MTMR7: variants seen among roughly 807,000 people sequenced by gnomAD.
The protein encoded by MTMR7 is myotubularin related protein 7, also known as phosphatidylinositol-3-phosphate phosphatase MTMR7.
Under a neutral mutation model 81.2 loss-of-function variants are expected in MTMR7, and 76 were observed. The observed-to-expected ratio is 0.94, with a 90% CI of 0.78 to 1.13. The LOEUF is 1.13. Ranked by LOEUF, MTMR7 falls within the 50% of genes most tolerant of loss-of-function variation. The pLI is 0.00. For synonymous variants in MTMR7, 372 were observed against 289.8 expected (o/e 1.28, Z -2.88); for missense variants, 1,044 against 820.0 (o/e 1.27, Z -3.34).
chr8:17,311,675 G>T, intron 8 of MTMR7, 39 bp from the exon 9 acceptor site: 1 of 1,613,004 alleles, frequency 6.2e-7, no homozygotes, highest in Non-Finnish European at 8.5e-7. Context: ...ACAAAGAATG[G>T]CTGTAAAAAG....
At chr8:17,337,791 T>C (rs1027862789) in intron 6 of MTMR7, among the ~76,000 whole-genome samples, 2 of 152,170 alleles carry the variant, frequency 1.3e-5, no homozygotes, top group Non-Finnish European at 2.9e-5. Context: ...CATTTTTTTC[T>C]GTTTTTTGTA....
intron 11 of MTMR7, among the ~76,000 whole-genome samples, chr8:17,304,768 T>TGTGTGTGTGTGTGTGTGTGTG (rs1563315402): frequency 6.1e-5 from 9 of 147,506 alleles, no homozygotes; most frequent in African/African-American, 9.9e-5. Flanking sequence ...TGTGTGTGTG[T>TGTGTGTGTGTGTGTGTGTGTG]TAAGCTGTTC....
intron 2 of MTMR7, among the ~76,000 whole-genome samples, chr8:17,372,242 G>A (rs1295314483): frequency 6.6e-6 from 1 of 152,126 alleles, no homozygotes; most frequent in Non-Finnish European, 1.5e-5. Flanking sequence ...ACGAAATACA[G>A]CAAAGGGAAA....
At chr8:17,317,947 C>T (rs1818182094) in intron 7 of MTMR7, among the ~76,000 whole-genome samples, 1 of 151,890 alleles carries the variant, frequency 6.6e-6, no homozygotes, top group South Asian at 2.1e-4. Context: ...AGTGGGAAGT[C>T]AGGAGGAGGT....
At position 17,324,331 on chromosome 8, in the gene MTMR7, C is replaced by A. The variant is rs1299632700; in HGVS notation, c.865+6819G>T. ...GTACTTACTACAAGCAGGTATTGTGCCTGAGGCTCTGCATAATCTACCCTA... is the reference window on the plus strand; with the variant it reads ...GTACTTACTACAAGCAGGTATTGTGACTGAGGCTCTGCATAATCTACCCTA... On this transcript the variant is annotated intron_variant, in intron 7 of 13. Transcript: ENST00000180173. Among the ~76,000 whole-genome samples the A allele has an allele frequency of 2.6e-5, 4 of 152,308 alleles. No homozygotes were observed. The South Asian group carries it at 6.2e-4, about 24-fold the overall frequency.
At chr8:17,317,833 C>T (rs1313399029) in intron 7 of MTMR7, among the ~76,000 whole-genome samples, 1 of 152,158 alleles carries the variant, frequency 6.6e-6, no homozygotes, top group Non-Finnish European at 1.5e-5. Flanking sequence ...ACTTATCACT[C>T]ATCCATTTAT....
intron 1 of MTMR7, among the ~76,000 whole-genome samples, chr8:17,394,733 T>C (rs1451427481): frequency 6.6e-6 from 1 of 152,154 alleles, no homozygotes; most frequent in African/African-American, 2.4e-5. Context: ...CAAAAATATA[T>C]ATACGTGGCA....
intron 7 of MTMR7, among the ~76,000 whole-genome samples, chr8:17,329,174 G>A (rs1007659329): frequency 1.3e-5 from 2 of 151,844 alleles, no homozygotes; most frequent in East Asian, 3.9e-4. Flanking sequence ...CCAGTAGTAT[G>A]AGCCTTCATA....
chr8:17,371,115 G>C lies in MTMR7; in HGVS notation c.232C>G (p.Gln78Glu), dbSNP rs761268283. ...CPLLIRCKNF[Q>E]IIQLIIPQER... ...TGAGGTATGATGAGCTGTATTATCTGAAAGTTCTTGCAGCGAATCAGCAGA... is the reference window on the plus strand; with the variant it reads ...TGAGGTATGATGAGCTGTATTATCTCAAAGTTCTTGCAGCGAATCAGCAGA... The change falls in exon 3 of 14, where the codon CAG (glutamine) becomes GAG (glutamate). Residue 78 changes from glutamine (Q) to glutamate (E), a missense_variant. Coordinates refer to ENST00000180173, the MANE Select transcript of MTMR7 (RefSeq NM_004686.5). 8 of 1,614,104 alleles carry C rather than the reference G, an allele frequency of 5.0e-6. No homozygotes were observed. The highest frequency in any genetic ancestry group is 1.3e-5 in the African/African-American group (1 of 74,936).
intron 4 of MTMR7, among the ~76,000 whole-genome samples, chr8:17,354,731 C>A (rs553491961): frequency 1.3e-5 from 2 of 152,084 alleles, no homozygotes; most frequent in African/African-American, 2.4e-5. Flanking sequence ...AAAAAGTAAA[C>A]GTTTTCTCAG....
In MTMR7 at chr8:17,349,061, A is replaced by C. The variant is rs1238781813; in HGVS notation, c.489T>G (p.Thr163=). ...RDYRVCDSYP[T]ELYVPKSATA... ...TGGCCGATTTGGGAACGTACAGTTC[A>C]GTAGGATAAGAGTCACAGACCTGTC... Residue 163 remains threonine, a synonymous_variant, in exon 5 of 14, where the codon ACT becomes ACG. Coordinates refer to ENST00000180173, the MANE Select transcript of MTMR7 (RefSeq NM_004686.5). 6.2e-7 allele frequency: 1 copy of C among 1,612,436 alleles called. No homozygotes were observed. Among genetic ancestry groups the C allele is most frequent in the South Asian group, 1.1e-5 (1 of 90,906 alleles).
At chr8:17,376,108 A>G (rs982828361) in intron 1 of MTMR7, among the ~76,000 whole-genome samples, 1 of 152,212 alleles carries the variant, frequency 6.6e-6, no homozygotes, top group African/African-American at 2.4e-5. Flanking sequence ...CCCTAAAAAA[A>G]TCAATTTACC....
chr8:17,398,195 T>C (rs766248014), intron 1 of MTMR7, among the ~76,000 whole-genome samples: 2 of 152,014 alleles, frequency 1.3e-5, no homozygotes, highest in Non-Finnish European at 2.9e-5. Context: ...CTTTACCAAA[T>C]GAACCAAGGC....
chr8:17,303,602 C>T (rs1235522899), intron 12 of MTMR7, among the ~76,000 whole-genome samples: 4 of 124,644 alleles, frequency 3.2e-5, no homozygotes, highest in Non-Finnish European at 1.6e-5. Context: ...TCTCCCCATA[C>T]ATACAATCTT....
chr8:17,331,564 G>A (rs1395537461), intron 6 of MTMR7, among the ~76,000 whole-genome samples: 2 of 152,158 alleles, frequency 1.3e-5, no homozygotes, highest in African/African-American at 2.4e-5. Flanking sequence ...TGCAGTCCCC[G>A]TCAGAGATGC....
intron 4 of MTMR7, among the ~76,000 whole-genome samples, chr8:17,352,190 G>C (rs924570546): frequency 6.6e-6 from 1 of 152,086 alleles, no homozygotes; most frequent in East Asian, 1.9e-4. Context: ...TCAAAATATA[G>C]TACAAAGCCA....
intron 4 of MTMR7, among the ~76,000 whole-genome samples, chr8:17,354,611 G>T (rs529178983): frequency 2.6e-5 from 4 of 152,282 alleles, no homozygotes; most frequent in Non-Finnish European, 4.4e-5. Context: ...TACGTCTGCT[G>T]TTATTTCCAC....
chr8:17,379,569 T>C (rs937300765), intron 1 of MTMR7, among the ~76,000 whole-genome samples: 1 of 152,202 alleles, frequency 6.6e-6, no homozygotes, highest in African/African-American at 2.4e-5. Context: ...CCTGCTTGTA[T>C]TGCTTCTCCA....
chr8:17,391,895 G>A (rs1054767472), intron 1 of MTMR7, among the ~76,000 whole-genome samples: 1 of 152,190 alleles, frequency 6.6e-6, no homozygotes, highest in African/African-American at 2.4e-5. Context: ...GTGGGAGGAA[G>A]GGTTGGGTTT....
Sources: allele counts gnomAD v4.1 joint callset (sites outside exome capture counted in the v4.1 genomes callset), GRCh38; gene constraint gnomAD v4.1.1; transcripts MANE v1.5; gene names NCBI Gene and HGNC (gene_info 2026-07-23, HGNC 2026-07-21).